Variants in PPARGC1A observed in about 807,000 individuals in gnomAD.
The protein encoded by PPARGC1A is PPARG coactivator 1 alpha.
A neutral mutation model predicts 88.7 loss-of-function variants in PPARGC1A; 25 were observed. That is an observed-to-expected ratio of 0.28 (90% CI 0.21 to 0.39). PPARGC1A has a LOEUF of 0.39. PPARGC1A is among the 10% of genes least tolerant of loss of function. The probability of loss-of-function intolerance (pLI) is 1.00; values close to 1 mark genes in which losing one functional copy is unlikely to be tolerated. For missense variants in PPARGC1A, 880 were observed against 968.7 expected (o/e 0.91, Z 1.22); for synonymous variants, 363 against 355.6 (o/e 1.02, Z -0.24).
At chr4:24,253,446 G>A in the PPARGC1A span, among the ~76,000 whole-genome samples, 1 of 152,150 alleles carries the variant, frequency 6.6e-6, no homozygotes, top group Admixed American at 6.5e-5. Context: ...TAGTAAATGT[G>A]GCAAAGTATT....
At chr4:23,935,426 G>A in the PPARGC1A span, among the ~76,000 whole-genome samples, 4 of 152,112 alleles carry the variant, frequency 2.6e-5, no homozygotes, top group East Asian at 1.9e-4. Context: ...AAATGTCCAC[G>A]GATTTCTGGT....
At chr4:24,401,015 CTTTTTTTTTTTTTTTT>C in the PPARGC1A span, among the ~76,000 whole-genome samples, 12 of 99,826 alleles carry the variant, frequency 1.2e-4, no homozygotes, top group Non-Finnish European at 2.0e-4. Context: ...CCTGAATTTT[CTTTTTTTTTTTTTTTT>C]TTTTTGAGAC....
chr4:23,957,834 CTT>C, the PPARGC1A span, among the ~76,000 whole-genome samples: 1 of 152,068 alleles, frequency 6.6e-6, no homozygotes, highest in African/African-American at 2.4e-5. Flanking sequence ...TTAATCAACT[CTT>C]TTGTGTGCAA....
At chr4:24,445,060 A>AAGAG in the PPARGC1A span, among the ~76,000 whole-genome samples, 11 of 151,058 alleles carry the variant, frequency 7.3e-5, no homozygotes, top group Non-Finnish European at 1.5e-4. Flanking sequence ...CTCAAAAAAA[A>AAGAG]AGAGAGAGAG....
chr4:24,228,719 T>A, the PPARGC1A span, among the ~76,000 whole-genome samples: 81,154 of 151,970 alleles, frequency 0.53, 22,495 homozygotes, highest in Non-Finnish European at 0.6. Flanking sequence ...CTCCCAACAA[T>A]GAGGATTTGA....
At chr4:24,088,214 G>C in the PPARGC1A span, among the ~76,000 whole-genome samples, 1 of 152,096 alleles carries the variant, frequency 6.6e-6, no homozygotes, top group South Asian at 2.1e-4. Context: ...AAATTAGCCA[G>C]ATGTGAGGTG....
chr4:24,147,869 G>A, the PPARGC1A span, among the ~76,000 whole-genome samples: 6 of 152,230 alleles, frequency 3.9e-5, no homozygotes, highest in South Asian at 2.1e-4. Flanking sequence ...ACTTGAGCCC[G>A]GGAGGCAGAG....
At chr4:24,282,408 T>G in the PPARGC1A span, among the ~76,000 whole-genome samples, 4 of 152,042 alleles carry the variant, frequency 2.6e-5, no homozygotes, top group Admixed American at 2.6e-4. Flanking sequence ...GGGGTTGGAG[T>G]GTGTGGTTTT....
chr4:24,403,392 T>G, the PPARGC1A span, among the ~76,000 whole-genome samples: 1 of 152,256 alleles, frequency 6.6e-6, no homozygotes, highest in Non-Finnish European at 1.5e-5. Context: ...AGAAGGTTTT[T>G]GCTAGCTTTG....
the PPARGC1A span, among the ~76,000 whole-genome samples, chr4:24,431,467 G>T: frequency 0.01 from 1,564 of 152,290 alleles, 19 homozygotes; most frequent in African/African-American, 0.036. Flanking sequence ...GGATACAGAT[G>T]AAATTAGCTG....
chr4:24,001,385 G>A, the PPARGC1A span, among the ~76,000 whole-genome samples: 1 of 152,116 alleles, frequency 6.6e-6, no homozygotes, highest in Non-Finnish European at 1.5e-5. Flanking sequence ...CTCTCCTACC[G>A]AACTATATAG....
the PPARGC1A span, among the ~76,000 whole-genome samples, chr4:24,115,300 T>C: frequency 6.6e-5 from 10 of 152,250 alleles, no homozygotes; most frequent in East Asian, 1.9e-4. Context: ...TCAGAAGAAA[T>C]GTAATGATGT....
chr4:24,333,615 G>C, the PPARGC1A span, among the ~76,000 whole-genome samples: 2 of 152,102 alleles, frequency 1.3e-5, no homozygotes, highest in Non-Finnish European at 2.9e-5. Context: ...TTATAGTATA[G>C]AGCCCAAACA....
At position 23,801,752 on chromosome 4, in the gene PPARGC1A, G is replaced by C. The variant is rs1483731228; in HGVS notation, c.2271C>G (p.Phe757Leu). 6.2e-7 allele frequency: 1 copy of C among 1,613,962 alleles called. No homozygotes were observed. Among genetic ancestry groups the C allele is most frequent in the Non-Finnish European group, 8.5e-7 (1 of 1,179,940 alleles). ...ELYFCGRKQFFKSNYADLDSN... is the reference protein window; with the variant it reads ...ELYFCGRKQFLKSNYADLDSN... Reference sequence around the variant, plus strand: ...TACCTAGGTCTGCATAGTTAGACTTGAAAAATTGCTTGCGTCCACAAAAGT... The same window carrying C: ...TACCTAGGTCTGCATAGTTAGACTTCAAAAATTGCTTGCGTCCACAAAAGT... Residue 757 changes from phenylalanine to leucine, a missense_variant, in exon 12 of 13, where the codon TTC becomes TTG. Transcript: ENST00000264867.
At chr4:24,407,714 AG>A in the PPARGC1A span, among the ~76,000 whole-genome samples, 1 of 152,220 alleles carries the variant, frequency 6.6e-6, no homozygotes, top group Admixed American at 6.5e-5. Flanking sequence ...TGTTGGACAT[AG>A]GGGGTCTGAG....
the PPARGC1A span, among the ~76,000 whole-genome samples, chr4:23,959,447 C>T: frequency 9.2e-5 from 14 of 152,150 alleles, no homozygotes; most frequent in South Asian, 2.1e-4. Flanking sequence ...CTCAATTGAC[C>T]AGTATGATTG....
At chr4:23,823,742 A>T (rs949585757) in intron 7 of PPARGC1A, among the ~76,000 whole-genome samples, 3 of 152,128 alleles carry the variant, frequency 2.0e-5, no homozygotes, top group African/African-American at 7.2e-5. Context: ...ATATATCTAC[A>T]CCATGAAATT....
chr4:24,455,976 A>G, the PPARGC1A span, among the ~76,000 whole-genome samples: 1 of 152,210 alleles, frequency 6.6e-6, no homozygotes, highest in Non-Finnish European at 1.5e-5. Context: ...TGCTTTAGAC[A>G]CTATCTGCCT....
the PPARGC1A span, among the ~76,000 whole-genome samples, chr4:24,010,028 G>A: frequency 6.6e-6 from 1 of 152,170 alleles, no homozygotes. Flanking sequence ...TAGTTGATTG[G>A]TTGGTTGAAT....
Sources: allele counts gnomAD v4.1 joint callset (sites outside exome capture counted in the v4.1 genomes callset), GRCh38; gene constraint gnomAD v4.1.1; transcripts MANE v1.5; gene names NCBI Gene and HGNC (gene_info 2026-07-23, HGNC 2026-07-21).